The following PLAC1 variants were observed in gnomAD, a reference collection of about 807,000 sequenced individuals.
PLAC1 encodes the protein placenta-specific protein 1.
For synonymous variants in PLAC1, 68 were observed against 62.1 expected (o/e 1.09, Z -0.44); for missense variants, 136 against 163.2 (o/e 0.83, Z 0.91).
chrX:134,669,825 C>T (rs2078449444), intron 2 of PLAC1, among the ~76,000 whole-genome samples: 1 of 111,965 alleles, frequency 8.9e-6, no homozygotes, highest in Non-Finnish European at 1.9e-5. Context: ...CGTACACAGC[C>T]CGGCTACTCT....
chrX:134,715,651 C>G (rs373300587), intron 2 of PLAC1, among the ~76,000 whole-genome samples: 359 of 112,097 alleles, frequency 3.2e-3, no homozygotes, highest in African/African-American at 0.011. Flanking sequence ...TTTCCCTCTC[C>G]TGGGGCCCTC....
chrX:134,572,918 G>A lies in PLAC1; in HGVS notation c.-58-6178C>T, dbSNP rs376491327. ...TGGTTTTGTTCTTATAATCTGTTAA[G>A]CTATCAAGCATAGTTTAAATGTCAT... On this transcript the variant is annotated intron_variant, in intron 2 of 2. Transcript: ENST00000359237. Among the ~76,000 whole-genome samples the A allele has an allele frequency of 2.6e-3, 287 of 111,337 alleles. 2 individuals carry two copies. Among genetic ancestry groups the A allele is most frequent in the African/African-American group, 8.8e-3 (271 of 30,691 alleles).
At chrX:134,608,053 T>TATC (rs1237864257) in intron 1 of PLAC1, among the ~76,000 whole-genome samples, 2 of 112,076 alleles carry the variant, frequency 1.8e-5, no homozygotes, top group Non-Finnish European at 3.8e-5. Context: ...TACAAATATA[T>TATC]ATCTCCATAT....
At position 134,585,155 on chromosome X, in the gene PLAC1, C is replaced by A. The variant is rs779985867; in HGVS notation, c.-59+16896G>T. ...GACCATCCTGGCTAACATGGTGAAA[C>A]CCTGTCTCCACTAAAAGTACAAAAA... is the stretch of plus-strand genomic sequence containing the variant. On this transcript the variant is annotated intron_variant, in intron 2 of 2. Transcript: ENST00000359237. Among the ~76,000 whole-genome samples, 193 of 88,024 alleles carry A rather than the reference C, an allele frequency of 2.2e-3. 1 individual carries two copies. The highest frequency in any genetic ancestry group is 7.8e-3 in the African/African-American group (185 of 23,757). 76.4% of individuals were successfully genotyped at this position (88,024 alleles called of 115,157 possible).
At chrX:134,636,733 A>G (rs558578491) in intron 1 of PLAC1, among the ~76,000 whole-genome samples, 1 of 112,379 alleles carries the variant, frequency 8.9e-6, no homozygotes, top group African/African-American at 3.2e-5. Flanking sequence ...ACTCTAATTA[A>G]AAGATATCAC....
chrX:134,660,364 C>A (rs941647159), upstream of PLAC1, among the ~76,000 whole-genome samples: 20 of 112,014 alleles, frequency 1.8e-4, no homozygotes, highest in Admixed American at 1.8e-3. Flanking sequence ...CCTCAGCCTC[C>A]CAAAGTGCTG....
At chrX:134,721,187 C>T (rs372799089) in intron 2 of PLAC1, among the ~76,000 whole-genome samples, 1 of 112,311 alleles carries the variant, frequency 8.9e-6, no homozygotes, top group African/African-American at 3.2e-5. Flanking sequence ...AATAAGTACA[C>T]GAAAAGATGC....
At chrX:134,638,761 T>A (rs993074375) in intron 1 of PLAC1, among the ~76,000 whole-genome samples, 2 of 105,393 alleles carry the variant, frequency 1.9e-5, no homozygotes, top group African/African-American at 6.6e-5. Context: ...GCTGGCTTTT[T>A]TAAAAAAAAA....
intron 2 of PLAC1, among the ~76,000 whole-genome samples, chrX:134,577,286 G>T (rs1335038801): frequency 1.8e-5 from 2 of 112,153 alleles, no homozygotes; most frequent in African/African-American, 6.5e-5. Flanking sequence ...GAGAAACCTA[G>T]AGTGAAACTA....
chrX:134,730,326 T>C (rs1283022279), intron 2 of PLAC1, among the ~76,000 whole-genome samples: 1 of 112,055 alleles, frequency 8.9e-6, no homozygotes, highest in Non-Finnish European at 1.9e-5. Context: ...AGAAGGAAAG[T>C]GTTTTATGTG....
At chrX:134,606,481 C>T (rs921179999) in intron 1 of PLAC1, among the ~76,000 whole-genome samples, 3 of 111,059 alleles carry the variant, frequency 2.7e-5, no homozygotes, top group Middle Eastern at 4.3e-3. Flanking sequence ...CAATGAGATA[C>T]CATCTTACAC....
intron 1 of PLAC1, among the ~76,000 whole-genome samples, chrX:134,632,249 A>G (rs1420716168): frequency 8.9e-6 from 1 of 111,732 alleles, no homozygotes; most frequent in African/African-American, 3.3e-5. Context: ...TCACCTCTAG[A>G]CATGAAAAGT....
chrX:134,740,085 A>C (rs769822862), intron 1 of PLAC1, among the ~76,000 whole-genome samples: 1 of 111,866 alleles, frequency 8.9e-6, no homozygotes, highest in East Asian at 2.8e-4. Flanking sequence ...TGTGAGGCTG[A>C]GGCGGGCAGA....
chrX:134,749,517 C>A (rs2078736428), intron 1 of PLAC1, among the ~76,000 whole-genome samples: 1 of 111,611 alleles, frequency 9.0e-6, no homozygotes, highest in East Asian at 2.8e-4. Flanking sequence ...GAAATATCCA[C>A]AGGACTGACG....
At chrX:134,719,560 C>T (rs754738364) in intron 2 of PLAC1, among the ~76,000 whole-genome samples, 4 of 111,386 alleles carry the variant, frequency 3.6e-5, no homozygotes, top group Admixed American at 1.9e-4. Context: ...GAGGCCGAGG[C>T]GGGTGGATCA....
chrX:134,753,337 G>T lies in PLAC1; in HGVS notation n.89+10897C>A, dbSNP rs139804966. Among the ~76,000 whole-genome samples, 884 of 111,585 alleles carry T rather than the reference G, an allele frequency of 7.9e-3. 15 individuals carry two copies. Among genetic ancestry groups the T allele is most frequent in the African/African-American group, 0.027 (821 of 30,779 alleles). Reference sequence around the variant, plus strand: ...CATTGACTTTTCATGTCACGAAGTTGCATGAAAGAGCGGGATCATGTAGAA... The same window carrying T: ...CATTGACTTTTCATGTCACGAAGTTTCATGAAAGAGCGGGATCATGTAGAA... On this transcript the variant is annotated intron_variant and non_coding_transcript_variant, in intron 1 of 2. Coordinates refer to the PLAC1 transcript ENST00000466797.
At chrX:134,726,484 T>C (rs1224782770) in intron 2 of PLAC1, among the ~76,000 whole-genome samples, 1 of 111,885 alleles carries the variant, frequency 8.9e-6, no homozygotes, top group Non-Finnish European at 1.9e-5. Context: ...TGAATGAATG[T>C]ATAAGGTTGA....
intron 1 of PLAC1, among the ~76,000 whole-genome samples, chrX:134,611,867 C>T (rs2078155403): frequency 9.0e-6 from 1 of 111,393 alleles, no homozygotes; most frequent in Admixed American, 9.6e-5. Flanking sequence ...GGCTTAGAAG[C>T]AGCTCCATGG....
At chrX:134,664,977 C>T (rs1230821053) in intron 2 of PLAC1, among the ~76,000 whole-genome samples, 1 of 111,243 alleles carries the variant, frequency 9.0e-6, no homozygotes, top group Non-Finnish European at 1.9e-5. Context: ...TAAAAAACTC[C>T]CCGCTATATT....
Sources: allele counts gnomAD v4.1 joint callset (sites outside exome capture counted in the v4.1 genomes callset), GRCh38; gene constraint gnomAD v4.1.1; transcripts MANE v1.5; gene names NCBI Gene and HGNC (gene_info 2026-07-23, HGNC 2026-07-21).